Variants in NCOR2 observed in about 807,000 individuals in gnomAD.
NCOR2 encodes CTG repeat protein 26.
A neutral mutation model predicts 262.9 loss-of-function variants in NCOR2; 81 were observed. That is an observed-to-expected ratio of 0.31 (90% CI 0.26 to 0.37). The LOEUF (loss-of-function observed/expected upper bound fraction) is 0.37. Ranked by LOEUF, NCOR2 falls within the 10% of genes least tolerant of loss-of-function variation. The pLI is 1.00. For synonymous variants in NCOR2, 1,659 were observed against 1,559.3 expected (o/e 1.06, Z -1.51); for missense variants, 3,385 against 3,621.4 (o/e 0.93, Z 1.68).
intron 1 of NCOR2, among the ~76,000 whole-genome samples, chr12:124,522,513 GAAC>G (rs1264827673): frequency 2.0e-5 from 3 of 152,190 alleles, no homozygotes; most frequent in Non-Finnish European, 4.4e-5. Context: ...TCTTCTCTTA[GAAC>G]ACTTGTCATT....
chr12:124,483,281 C>G lies in NCOR2; in HGVS notation c.411+315G>C, dbSNP rs1219736154. 6.6e-6 allele frequency among the ~76,000 whole-genome samples: 1 copy of G among 152,108 alleles called. No homozygotes were observed. The highest frequency in any genetic ancestry group is 1.5e-5 in the Non-Finnish European group (1 of 67,984). On this transcript the variant is annotated intron_variant, in intron 3 of 46. Coordinates refer to ENST00000405201, the Ensembl canonical transcript of NCOR2. This position sits in a 1 kb window ranked among gnomAD's most constrained non-coding sequence, Gnocchi z 6.3. ...TCTGCTCCACGGCACCCCAGGCCCT[C>G]CCATCCCAGCTCTCCCCTCCCTCAC...
intron 8 of NCOR2, among the ~76,000 whole-genome samples, chr12:124,437,010 C>T (rs1256112839): frequency 2.0e-5 from 3 of 152,034 alleles, no homozygotes; most frequent in African/African-American, 7.2e-5. Context: ...TGCTTGAACC[C>T]GAGAGGCGGA....
chr12:124,495,857 T>A (rs1163538036), upstream of NCOR2, among the ~76,000 whole-genome samples: 2 of 152,120 alleles, frequency 1.3e-5, no homozygotes, highest in Admixed American at 1.3e-4. The surrounding 1 kb of genome is among the most constrained non-coding windows in gnomAD (Gnocchi z 4.4). Context: ...GGCCACAGCA[T>A]GACCTGGGCA....
intron 30 of NCOR2, 145 bp from the exon 33 acceptor site, chr12:124,346,995 G>T: frequency 1.0e-6 from 1 of 970,846 alleles, no homozygotes; most frequent in Non-Finnish European, 1.4e-6. Flanking sequence ...TGACCTCTCT[G>T]GGCCTCAGCT....
intron 3 of NCOR2, among the ~76,000 whole-genome samples, chr12:124,480,323 A>G (rs2047381934): frequency 6.6e-6 from 1 of 152,128 alleles, no homozygotes; most frequent in Non-Finnish European, 1.5e-5. Context: ...AGGCTACAAC[A>G]AGGATTAGGA....
chr12:124,349,665 C>A (rs1458603206), intron 28 of NCOR2, among the ~76,000 whole-genome samples: 1 of 152,136 alleles, frequency 6.6e-6, no homozygotes, highest in Non-Finnish European at 1.5e-5. Flanking sequence ...AGTTTAAAGG[C>A]CCCGACTGAA....
intron 2 of NCOR2, among the ~76,000 whole-genome samples, chr12:124,485,771 G>A (rs935042243): frequency 2.6e-5 from 4 of 152,170 alleles, no homozygotes; most frequent in South Asian, 2.1e-4. Flanking sequence ...CCTCAACCTC[G>A]CAGCCTCAGC....
chr12:124,445,562 A>G (rs1165959065), intron 7 of NCOR2, among the ~76,000 whole-genome samples: 1 of 152,132 alleles, frequency 6.6e-6, no homozygotes, highest in Non-Finnish European at 1.5e-5. Flanking sequence ...TGGGGAGGGA[A>G]CGACCTCCCA....
chr12:124,367,271 G>A lies in NCOR2; in HGVS notation c.2808-3472C>T, dbSNP rs1277789887. Among the ~76,000 whole-genome samples the A allele has an allele frequency of 2.0e-5, 3 of 148,512 alleles. No individual in the cohort carries two copies. In the East Asian group the frequency reaches 5.8e-4, roughly 29 times the overall value. On this transcript the variant is annotated intron_variant, in intron 20 of 46. Coordinates refer to ENST00000405201, the Ensembl canonical transcript of NCOR2. The stretch of plus-strand genomic sequence containing the variant: ...CAGAAGCTCTCAGCAGGTACCCTCT[G>A]GGGGGCACACACAGAGGCCCAAACC...
At chr12:124,458,428 G>A (rs1466534660) in intron 5 of NCOR2, among the ~76,000 whole-genome samples, 1 of 152,182 alleles carries the variant, frequency 6.6e-6, no homozygotes, top group Non-Finnish European at 1.5e-5. Flanking sequence ...TCCGCCTACA[G>A]CCCAGAGCCC....
chr12:124,335,473 T>G lies in NCOR2; in HGVS notation c.6265+10A>C. On this transcript the variant is annotated intron_variant, in intron 39 of 46. Transcript: ENST00000405201. ...GGGCTTCGGGGGCCTGGGTACTGGGTGGGGCGTACCTGGCTGCTTGGGCCG... is the reference window on the plus strand; with the variant it reads ...GGGCTTCGGGGGCCTGGGTACTGGGGGGGGCGTACCTGGCTGCTTGGGCCG... The G allele has an allele frequency of 6.2e-7, 1 of 1,602,018 alleles. No homozygotes were observed. The highest frequency in any genetic ancestry group is 8.5e-7 in the Non-Finnish European group (1 of 1,177,688).
intron 31 of NCOR2, 114 bp from the exon 34 acceptor site, chr12:124,345,065 G>C (rs1255713669): frequency 3.2e-6 from 3 of 946,032 alleles, no homozygotes; most frequent in Non-Finnish European, 4.6e-6. Context: ...AGTGACATCT[G>C]ATGCCTCCAG....
At chr12:124,364,215 T>C (rs2038837947) in intron 20 of NCOR2, among the ~76,000 whole-genome samples, 1 of 152,358 alleles carries the variant, frequency 6.6e-6, no homozygotes, top group African/African-American at 2.4e-5. Flanking sequence ...CACGTGGCCC[T>C]TCCGAAGCTG....
At chr12:124,340,466 A>C (rs2036365496) in intron 35 of NCOR2, 23 bp from the exon 38 acceptor site, 1 of 1,607,522 alleles carries the variant, frequency 6.2e-7, no homozygotes, top group Non-Finnish European at 8.5e-7. Context: ...AAGGCCAGAG[A>C]CTCAGCCCCA....
rs1361463782 is a variant in NCOR2, at chr12:124,335,929, C to A, written c.6116-297G>T. On this transcript the variant is annotated intron_variant, in intron 38 of 46. Transcript: ENST00000405201. ...ATGGGTTCAGGTGGTGGAGGCCGGG[C>A]GAGGCCAGCGTGAGATGGGGGCAGC... is the stretch of plus-strand genomic sequence containing the variant. 5 of 396,030 alleles carry A rather than the reference C, an allele frequency of 1.3e-5. No homozygotes were observed. In the South Asian group the frequency reaches 2.5e-4, roughly 20 times the overall value. 24.5% of individuals were successfully genotyped at this position (396,030 alleles called of 1,614,324 possible).
intron 44 of NCOR2, 99 bp downstream of exon 46, chr12:124,330,746 C>A: frequency 7.5e-7 from 1 of 1,325,000 alleles, no homozygotes; most frequent in South Asian, 1.3e-5. Flanking sequence ...TACACCCAGA[C>A]TAGCGAAGGC....
rs1429804585 is a variant in NCOR2, at chr12:124,531,418, GCCT to G, written c.-118+4144_-118+4146del. ...CGCAGGCAGACACGCTCAACTGTCAGCCTCCTCCTCTCAGCCCGCCATCACAGG... is the reference window on the plus strand; with the variant it reads ...CGCAGGCAGACACGCTCAACTGTCAGCCTCCTCTCAGCCCGCCATCACAGG... On this transcript the variant is annotated intron_variant, in intron 1 of 46. Coordinates refer to the NCOR2 transcript ENST00000404621. The surrounding 1 kb of genome is among the most constrained non-coding windows in gnomAD (Gnocchi z 4.5). Among the ~76,000 whole-genome samples the G allele has an allele frequency of 2.0e-5, 3 of 152,144 alleles. No individual in the cohort carries two copies. Among genetic ancestry groups the G allele is most frequent in the African/African-American group, 4.8e-5 (2 of 41,434 alleles).
intron 8 of NCOR2, among the ~76,000 whole-genome samples, chr12:124,434,361 G>A (rs908680627): frequency 2.6e-5 from 4 of 152,092 alleles, no homozygotes; most frequent in Admixed American, 6.5e-5. Flanking sequence ...AATCGCCACC[G>A]CAGCTTCAGG....
intron 5 of NCOR2, among the ~76,000 whole-genome samples, chr12:124,458,755 C>T (rs1178462904): frequency 6.6e-6 from 1 of 152,198 alleles, no homozygotes; most frequent in Non-Finnish European, 1.5e-5. Context: ...CAGAGGAAGC[C>T]AAGGGCCAGG....
Sources: gnomAD v4.1 joint callset for allele counts (sites outside exome capture counted in the v4.1 genomes callset) on GRCh38, gnomAD v4.1.1 for gene constraint, Gnocchi (gnomAD v3.1) non-coding constraint, MANE v1.5 for transcripts, NCBI Gene and HGNC (gene_info 2026-07-23, HGNC 2026-07-21) for gene names.